Variants in KLF12 observed in about 807,000 individuals in gnomAD.
KLF12 encodes KLF transcription factor 12.
Under a neutral mutation model 37.8 loss-of-function variants are expected in KLF12, and 9 were observed. The observed-to-expected ratio is 0.24, with a 90% CI of 0.14 to 0.42. The LOEUF (loss-of-function observed/expected upper bound fraction) is 0.42. KLF12 is among the 10% of genes least tolerant of loss of function. The probability of loss-of-function intolerance (pLI) is 1.00; values close to 1 mark genes in which losing one functional copy is unlikely to be tolerated. For synonymous variants in KLF12, 208 were observed against 202.1 expected, an observed-to-expected ratio of 1.03 and a Z score of -0.25; for missense variants, 411 against 516.0, an observed-to-expected ratio of 0.80 and a Z score of 1.97.
At chr13:74,187,504 A>G in the KLF12 span, among the ~76,000 whole-genome samples, 6 of 152,160 alleles carry the variant, frequency 3.9e-5, no homozygotes, top group South Asian at 4.2e-4. Context: ...TTCTTGTACA[A>G]TTCTCGGTAT....
chr13:73,889,241 T>C (rs1022595081), intron 3 of KLF12, among the ~76,000 whole-genome samples: 8 of 152,352 alleles, frequency 5.3e-5, no homozygotes, highest in African/African-American at 1.7e-4. Flanking sequence ...AAAATGTCTA[T>C]ATAAAATATG....
Position 73,846,062 on chromosome 13 carries a change from T to G in KLF12, c.435A>C (p.Pro145=), listed in dbSNP as rs1419803332. ...CAGATGCAGAGGCCACAAGGGGCCC[T>G]GGAGTTAATACTGTTGACGAAGATG... Residue 145 remains proline (P), a synonymous_variant, in exon 4 of 8, where the codon CCA becomes CCC. Transcript: ENST00000377669. The G allele has an allele frequency of 8.1e-6, 13 of 1,613,272 alleles. No individual in the cohort carries two copies. Among genetic ancestry groups the G allele is most frequent in the Non-Finnish European group, 1.0e-5 (12 of 1,179,442 alleles).
At chr13:73,744,675 C>T (rs1350597353) in intron 6 of KLF12, among the ~76,000 whole-genome samples, 1 of 152,104 alleles carries the variant, frequency 6.6e-6, no homozygotes, top group Non-Finnish European at 1.5e-5. Flanking sequence ...TAGGTAGACA[C>T]TGAGGAGCAA....
chr13:74,264,281 A>AT, the KLF12 span, among the ~76,000 whole-genome samples: 1 of 152,236 alleles, frequency 6.6e-6, no homozygotes, highest in Non-Finnish European at 1.5e-5. Context: ...AAGCTCAAAT[A>AT]TTAAATTCTT....
rs900505108 is a variant in KLF12 at position 73,995,199 on chromosome 13, T to C, written c.-31-146A>G. Reference sequence around the variant, plus strand: ...GAGGAATATCTTTTCTTCAGCTATGTGTTGTTGGCTTGCTCTTCAGCAGCC... The same window carrying C: ...GAGGAATATCTTTTCTTCAGCTATGCGTTGTTGGCTTGCTCTTCAGCAGCC... On this transcript the variant is annotated intron_variant, in intron 1 of 7. Coordinates refer to ENST00000377669, the MANE Select transcript of KLF12 (RefSeq NM_007249.5). 1.3e-5 allele frequency: 8 copies of C among 597,230 alleles called. No homozygotes were observed. The South Asian group carries it at 1.3e-4, about 10-fold the overall frequency. The allele number at this position is 597,230 out of a possible 1,614,324, so 37.0% of individuals were successfully genotyped here.
intron 1 of KLF12, among the ~76,000 whole-genome samples, chr13:74,095,694 T>C (rs1186502790): frequency 2.0e-5 from 3 of 152,348 alleles, no homozygotes; most frequent in Non-Finnish European, 2.9e-5. Flanking sequence ...CCACCTTTCA[T>C]TGTAACTTTT....
intron 3 of KLF12, among the ~76,000 whole-genome samples, chr13:73,849,294 G>A (rs1434934898): frequency 1.3e-5 from 2 of 148,514 alleles, no homozygotes; most frequent in East Asian, 2.0e-4. Context: ...CAGAAGAATC[G>A]CTTGAACCCA....
chr13:73,870,011 G>T (rs1040584257), intron 3 of KLF12, among the ~76,000 whole-genome samples: 2 of 152,114 alleles, frequency 1.3e-5, no homozygotes. Flanking sequence ...AACATTCTTT[G>T]AATCTCTCAT....
At chr13:74,228,109 A>G in the KLF12 span, among the ~76,000 whole-genome samples, 1 of 152,128 alleles carries the variant, frequency 6.6e-6, no homozygotes, top group Non-Finnish European at 1.5e-5. Flanking sequence ...CCAATTTTAA[A>G]TGTCGGTTTT....
the KLF12 span, among the ~76,000 whole-genome samples, chr13:74,233,034 T>G: frequency 6.6e-6 from 1 of 152,060 alleles, no homozygotes; most frequent in Non-Finnish European, 1.5e-5. Flanking sequence ...TACAGGCGCG[T>G]TCCACCATGC....
intron 7 of KLF12, among the ~76,000 whole-genome samples, chr13:73,712,065 G>A (rs1471626677): frequency 1.1e-4 from 16 of 152,146 alleles, no homozygotes; most frequent in African/African-American, 2.7e-4. Flanking sequence ...GGAGCCGGGC[G>A]CGGTGGCTCA....
chr13:73,780,330 C>T (rs951350217), intron 5 of KLF12, among the ~76,000 whole-genome samples: 3 of 152,098 alleles, frequency 2.0e-5, no homozygotes, highest in African/African-American at 7.2e-5. Flanking sequence ...GATTTTGGTG[C>T]ACCTGTCACC....
intron 1 of KLF12, among the ~76,000 whole-genome samples, chr13:74,113,712 C>T (rs1877115351): frequency 6.6e-6 from 1 of 152,188 alleles, no homozygotes; most frequent in African/African-American, 2.4e-5. Flanking sequence ...AACACAACAT[C>T]CTTTCTGCAG....
chr13:74,096,174 G>C (rs1290618294), intron 1 of KLF12, among the ~76,000 whole-genome samples: 2 of 152,158 alleles, frequency 1.3e-5, no homozygotes, highest in Non-Finnish European at 2.9e-5. Flanking sequence ...ACTTCCATTT[G>C]AATTGCTGAT....
At chr13:73,810,701 T>A (rs1393990776) in intron 5 of KLF12, among the ~76,000 whole-genome samples, 2 of 151,812 alleles carry the variant, frequency 1.3e-5, no homozygotes, top group Non-Finnish European at 2.9e-5. Flanking sequence ...AGGAAAACAA[T>A]GTGATTAAAA....
the KLF12 span, among the ~76,000 whole-genome samples, chr13:74,144,468 T>G: frequency 6.6e-6 from 1 of 152,202 alleles, no homozygotes; most frequent in Non-Finnish European, 1.5e-5. Context: ...AACTGCTGAG[T>G]CATTTTAAAA....
intron 6 of KLF12, among the ~76,000 whole-genome samples, chr13:73,754,347 GT>G (rs1878998087): frequency 6.6e-6 from 1 of 152,132 alleles, no homozygotes; most frequent in Non-Finnish European, 1.5e-5. Flanking sequence ...TGCTACGTTT[GT>G]TTTTAGGTCT....
At chr13:74,062,125 G>A (rs1873628743) in intron 1 of KLF12, among the ~76,000 whole-genome samples, 1 of 152,094 alleles carries the variant, frequency 6.6e-6, no homozygotes, top group African/African-American at 2.4e-5. Flanking sequence ...TTGAATTCTG[G>A]CAGCTTTCAT....
chr13:74,132,777 A>C (rs879930867), intron 1 of KLF12, among the ~76,000 whole-genome samples: 2 of 152,186 alleles, frequency 1.3e-5, no homozygotes, highest in Non-Finnish European at 2.9e-5. Context: ...ATTTGCCTCA[A>C]ATGCACTGCG....
Sources: allele counts gnomAD v4.1 joint callset (sites outside exome capture counted in the v4.1 genomes callset), GRCh38; gene constraint gnomAD v4.1.1; transcripts MANE v1.5; gene names NCBI Gene and HGNC (gene_info 2026-07-23, HGNC 2026-07-21).